TPRG1: variants seen among roughly 807,000 people sequenced by gnomAD.
TPRG1 encodes tumor protein p63 regulated 1, also known as tumor protein p63-regulated gene 1 protein.
Under a neutral mutation model 29.3 loss-of-function variants are expected in TPRG1, and 29 were observed. That is an observed-to-expected ratio of 0.99 (90% CI 0.74 to 1.35). The LOEUF (loss-of-function observed/expected upper bound fraction) is 1.35, where lower values mean the gene tolerates loss of function less well. TPRG1 is among the 40% of genes most tolerant of loss of function. The pLI, the probability that TPRG1 is intolerant of heterozygous loss-of-function variation, is 0.00. For missense variants in TPRG1, 327 were observed against 335.0 expected (o/e 0.98, Z 0.19); for synonymous variants, 130 against 116.8 (o/e 1.11, Z -0.73).
intron 1 of TPRG1, among the ~76,000 whole-genome samples, chr3:189,204,932 G>GTCTCTC (rs141862299): frequency 2.2e-5 from 3 of 135,072 alleles, no homozygotes; most frequent in African/African-American, 2.7e-5. Context: ...CTGTCTCTAT[G>GTCTCTC]TCTCTCTCTC....
chr3:189,227,186 CA>C (rs1302534715), intron 3 of TPRG1, among the ~76,000 whole-genome samples: 1 of 151,966 alleles, frequency 6.6e-6, no homozygotes, highest in African/African-American at 2.4e-5. Context: ...ATTAGCCAAG[CA>C]GACAGTGGTT....
intron 5 of TPRG1, among the ~76,000 whole-genome samples, chr3:189,154,484 C>T (rs1046796190): frequency 6.6e-6 from 1 of 151,842 alleles, no homozygotes; most frequent in African/African-American, 2.4e-5. Flanking sequence ...CACTGTCACC[C>T]AGGCTGGAGT....
intron 5 of TPRG1, among the ~76,000 whole-genome samples, chr3:189,163,636 G>A (rs1406365612): frequency 6.6e-6 from 1 of 152,070 alleles, no homozygotes; most frequent in African/African-American, 2.4e-5. Context: ...AAGGAAATAC[G>A]GGACTGAAGT....
intron 4 of TPRG1, among the ~76,000 whole-genome samples, chr3:189,076,035 G>A (rs1717148605): frequency 6.6e-6 from 1 of 152,046 alleles, no homozygotes; most frequent in African/African-American, 2.4e-5. Flanking sequence ...CAATTTTCAG[G>A]TGAGGATATT....
rs905146860 is a variant in TPRG1 at position 189,324,385 on chromosome 3, A to G, written c.*3565A>G. The G allele has an allele frequency of 2.6e-5, 4 of 152,160 alleles. No homozygotes were observed. The highest frequency in any genetic ancestry group is 1.3e-4 in the Admixed American group (2 of 15,254). The allele number at this position is 152,160 out of a possible 1,614,324, so 9.4% of individuals were successfully genotyped here. A position where few individuals can be genotyped will look rare whatever the true frequency, so the allele number is the denominator to read the frequency against. ...TCCCTAGCCCACTGCTCTTTCCAAT[A>G]TAATATCTGTATTCCATGGGAAAGA... On this transcript the variant is annotated 3_prime_UTR_variant, in exon 6 of 6. Coordinates refer to ENST00000345063, the MANE Select transcript of TPRG1 (RefSeq NM_198485.4).
intron 4 of TPRG1, among the ~76,000 whole-genome samples, chr3:189,068,330 G>A (rs1385446544): frequency 6.6e-6 from 1 of 152,204 alleles, no homozygotes; most frequent in Non-Finnish European, 1.5e-5. Context: ...TAAAGGAAAT[G>A]AAATCCGTAT....
At chr3:189,089,374 A>G (rs758910297) in intron 4 of TPRG1, among the ~76,000 whole-genome samples, 8 of 152,240 alleles carry the variant, frequency 5.3e-5, no homozygotes, top group Non-Finnish European at 1.0e-4. Context: ...ATATTATCCA[A>G]TTTGTCTAGA....
At chr3:189,225,414 A>G (rs1737576431) in intron 3 of TPRG1, among the ~76,000 whole-genome samples, 1 of 152,130 alleles carries the variant, frequency 6.6e-6, no homozygotes. Flanking sequence ...ATTCTATCTT[A>G]AGTTACTGAA....
chr3:189,074,904 C>T (rs1204554693), intron 4 of TPRG1, among the ~76,000 whole-genome samples: 20 of 151,562 alleles, frequency 1.3e-4, no homozygotes, highest in Admixed American at 6.6e-5. Context: ...CTCCGCCTCC[C>T]GGGTTCCCGC....
intron 4 of TPRG1, among the ~76,000 whole-genome samples, chr3:189,263,236 G>T (rs1263289180): frequency 2.0e-5 from 3 of 152,220 alleles, no homozygotes; most frequent in African/African-American, 7.2e-5. Flanking sequence ...ATTGCAGGGG[G>T]AAAGATCCAG....
chr3:189,234,295 T>A (rs1190332119), intron 3 of TPRG1, among the ~76,000 whole-genome samples: 1 of 152,176 alleles, frequency 6.6e-6, no homozygotes, highest in Non-Finnish European at 1.5e-5. Flanking sequence ...GTAATTTATT[T>A]AAAAAATGCC....
chr3:189,017,205 CTTTTT>C (rs60175852), intron 3 of TPRG1, among the ~76,000 whole-genome samples: 3 of 145,180 alleles, frequency 2.1e-5, no homozygotes, highest in Non-Finnish European at 3.0e-5. Flanking sequence ...CTCTGAGATT[CTTTTT>C]TTTTTTATTA....
chr3:189,185,382 G>C (rs1345706556), intron 1 of TPRG1, among the ~76,000 whole-genome samples: 3 of 151,828 alleles, frequency 2.0e-5, no homozygotes, highest in Non-Finnish European at 2.9e-5. Flanking sequence ...TGCCACTCCA[G>C]CTGGGTATAT....
At chr3:189,038,907 C>T (rs1422143379) in intron 4 of TPRG1, among the ~76,000 whole-genome samples, 1 of 151,796 alleles carries the variant, frequency 6.6e-6, no homozygotes, top group Non-Finnish European at 1.5e-5. Flanking sequence ...TAAATTAAAA[C>T]CATAATGAGA....
rs144545868 is a variant in TPRG1 at position 189,219,932 on chromosome 3, G to A, written c.302+4549G>A. ...TTCGGTGTAATTAATATGTGAAATC[G>A]GACTGTCCATGTGGAACATATAGAC... On this transcript the variant is annotated intron_variant, in intron 3 of 5. Coordinates refer to ENST00000345063, the MANE Select transcript of TPRG1 (RefSeq NM_198485.4). The A allele has an allele frequency of 5.5e-3, 1,170 of 214,552 alleles. 3 individuals carry two copies. The highest frequency in any genetic ancestry group is 8.0e-3 in the Non-Finnish European group (1,001 of 125,256). The allele number at this position is 214,552 out of a possible 1,614,324, so 13.3% of individuals were successfully genotyped here. A position where few individuals can be genotyped will look rare whatever the true frequency, so the allele number is the denominator to read the frequency against.
At chr3:189,030,324 T>C (rs2152129195) in intron 4 of TPRG1, among the ~76,000 whole-genome samples, 1 of 152,330 alleles carries the variant, frequency 6.6e-6, no homozygotes, top group East Asian at 1.9e-4. Flanking sequence ...AAAAACAACA[T>C]CCAGTTAAAT....
chr3:189,178,821 T>C (rs983548128), intron 1 of TPRG1, among the ~76,000 whole-genome samples: 5 of 152,254 alleles, frequency 3.3e-5, no homozygotes, highest in African/African-American at 1.2e-4. Flanking sequence ...TAGCCATGGT[T>C]TAAGGACATT....
intron 3 of TPRG1, among the ~76,000 whole-genome samples, chr3:189,215,601 C>T (rs1269829892): frequency 6.6e-6 from 1 of 152,124 alleles, no homozygotes; most frequent in African/African-American, 2.4e-5. Flanking sequence ...TCCCCTCACT[C>T]AACCATCACT....
intron 5 of TPRG1, among the ~76,000 whole-genome samples, chr3:189,314,477 A>T (rs1194759485): frequency 6.6e-6 from 1 of 152,210 alleles, no homozygotes; most frequent in Non-Finnish European, 1.5e-5. Flanking sequence ...ATGCTATGTC[A>T]AAATATACTA....
Sources: allele counts gnomAD v4.1 joint callset (sites outside exome capture counted in the v4.1 genomes callset), GRCh38; gene constraint gnomAD v4.1.1; transcripts MANE v1.5; gene names NCBI Gene and HGNC (gene_info 2026-07-23, HGNC 2026-07-21).